The following ABCG2 variants were observed in gnomAD, a reference collection of about 807,000 sequenced individuals.
The protein encoded by ABCG2 is ATP binding cassette subfamily G member 2 (JR blood group).
Under a neutral mutation model 73.5 loss-of-function variants are expected in ABCG2, and 80 were observed. That is an observed-to-expected ratio of 1.09 (90% confidence interval 0.91 to 1.31). ABCG2 has a LOEUF of 1.31. Among genes scored for constraint, ABCG2 ranks in the 50% most tolerant of loss-of-function variants. The pLI, the probability that ABCG2 is intolerant of heterozygous loss-of-function variation, is 0.00. For missense variants in ABCG2, 796 were observed against 786.2 expected (o/e 1.01, Z -0.15); for synonymous variants, 269 against 282.4 (o/e 0.95, Z 0.48).
chr4:88,197,995 A>T lies in ABCG2; in HGVS notation c.-20+32999T>A, dbSNP rs182780532. ...CAGTGAGCCGAAATCGCACCACTGC[A>T]CTCCAGCCTGAGTGACGGAGCAAGA... On this transcript the variant is annotated intron_variant, in intron 1 of 15. Transcript: ENST00000515655. 1.1e-3 allele frequency among the ~76,000 whole-genome samples: 156 copies of T among 147,440 alleles called. 1 individual carries two copies. Among genetic ancestry groups the T allele is most frequent in the African/African-American group, 3.9e-3 (152 of 39,280 alleles).
chr4:88,123,520 CA>C (rs551703188), intron 5 of ABCG2, among the ~76,000 whole-genome samples: 152 of 151,862 alleles, frequency 1.0e-3, no homozygotes, highest in African/African-American at 3.5e-3. Flanking sequence ...GAAGCAAACA[CA>C]AGTATCAATA....
In ABCG2 at chr4:88,121,746, C is replaced by A. The variant is rs1406395272; in HGVS notation, c.578G>T (p.Arg193Met). 1.2e-6 allele frequency: 2 copies of A among 1,613,978 alleles called. No homozygotes were observed. The highest frequency in any genetic ancestry group is 1.7e-6 in the Non-Finnish European group (2 of 1,179,922). Residue 193 changes from arginine (R) to methionine (M), a missense_variant, in exon 6 of 16, where the codon AGG becomes ATG. Transcript: ENST00000237612. The part of the protein sequence containing the change: ...IRGVSGGERK[R>M]TSIGMELITD... ...GATAAGCTCCATTCCTATACTAGTC[C>A]TTTTTCTTTCTCCTCCAGACACACC...
upstream of ABCG2, among the ~76,000 whole-genome samples, chr4:88,160,729 A>G (rs1334939975): frequency 6.6e-6 from 1 of 151,456 alleles, no homozygotes; most frequent in Non-Finnish European, 1.5e-5. Flanking sequence ...CATGCCTGTA[A>G]TCCCAGCTAC....
In ABCG2 at chr4:88,140,569, C is replaced by G. The variant is rs951204939; in HGVS notation, c.-19-555G>C. On this transcript the variant is annotated intron_variant, in intron 1 of 15. Transcript: ENST00000237612. ...CCAGGGAGGCAGAGGTTGCGGTGAG[C>G]AGAGATCGTGCCACTGTACTCCAGC... 5.9e-5 allele frequency among the ~76,000 whole-genome samples: 9 copies of G among 151,980 alleles called. No individual in the cohort carries two copies. In the East Asian group the frequency reaches 1.7e-3, roughly 29 times the overall value.
chr4:88,159,041 C>T (rs939928263), upstream of ABCG2: 3 of 422,616 alleles, frequency 7.1e-6, no homozygotes, highest in Admixed American at 7.7e-5. Flanking sequence ...TCCTGCCGCG[C>T]TGAGCCGCCA....
chr4:88,180,053 G>A (rs945271417), intron 1 of ABCG2, among the ~76,000 whole-genome samples: 2 of 151,896 alleles, frequency 1.3e-5, no homozygotes, highest in African/African-American at 4.8e-5. Flanking sequence ...CAAAACTAGA[G>A]AAAAATATCA....
intron 1 of ABCG2, among the ~76,000 whole-genome samples, chr4:88,177,993 G>A (rs1037525828): frequency 6.6e-6 from 1 of 152,120 alleles, no homozygotes; most frequent in African/African-American, 2.4e-5. Context: ...GGCAGAATAG[G>A]CCACGAAAAC....
At chr4:88,161,260 C>T (rs373373837), upstream of ABCG2, among the ~76,000 whole-genome samples, 159 of 121,840 alleles carry the variant, frequency 1.3e-3, 1 homozygote, top group South Asian at 0.024. Flanking sequence ...CATGCTGGTG[C>T]GCTGCACCCA....
chr4:88,169,040 AGTT>A (rs1259599498), intron 1 of ABCG2, among the ~76,000 whole-genome samples: 1 of 132,054 alleles, frequency 7.6e-6, no homozygotes, highest in Non-Finnish European at 1.6e-5. Flanking sequence ...TAAATGAAGT[AGTT>A]ATCTTTTTTT....
chr4:88,156,505 T>C (rs950508591), intron 1 of ABCG2, among the ~76,000 whole-genome samples: 1 of 151,678 alleles, frequency 6.6e-6, no homozygotes, highest in African/African-American at 2.4e-5. Context: ...ACTGATAATA[T>C]TGGATTATAA....
At chr4:88,219,930 C>T (rs1447424311) in intron 1 of ABCG2, among the ~76,000 whole-genome samples, 3 of 151,722 alleles carry the variant, frequency 2.0e-5, no homozygotes. Context: ...GTGCAACCAT[C>T]ACTACCATCC....
chr4:88,092,176 T>C lies in ABCG2; in HGVS notation c.*58A>G. 6.7e-7 allele frequency: 1 copy of C among 1,498,104 alleles called. No individual in the cohort carries two copies. Among genetic ancestry groups the C allele is most frequent in the Non-Finnish European group, 9.1e-7 (1 of 1,104,452 alleles). The allele number at this position is 1,498,104 out of a possible 1,614,324, so 92.8% of individuals were successfully genotyped here. ...ACAACAAAAAAACTTGATTGAATAC[T>C]TCAATCAAAGTGCTTCTTTTTTATG... On this transcript the variant is annotated 3_prime_UTR_variant, in exon 16 of 16. Transcript: ENST00000237612.
intron 1 of ABCG2, among the ~76,000 whole-genome samples, chr4:88,186,785 G>A (rs1728474075): frequency 6.6e-6 from 1 of 150,530 alleles, no homozygotes; most frequent in African/African-American, 2.4e-5. Context: ...CGGGCGTAGT[G>A]GCGGGCGCCT....
At chr4:88,224,885 A>C (rs1011098314) in intron 1 of ABCG2, among the ~76,000 whole-genome samples, 1 of 152,084 alleles carries the variant, frequency 6.6e-6, no homozygotes, top group Non-Finnish European at 1.5e-5. Flanking sequence ...TAAGGGTCCA[A>C]TGTTATTCTT....
At chr4:88,231,286 A>G (rs1188476318) in exon 1 of ABCG2, 2 of 152,182 alleles carry the variant, frequency 1.3e-5, no homozygotes, top group Non-Finnish European at 2.9e-5. Flanking sequence ...CCCGAGTGAA[A>G]TTAACAGCTC....
At chr4:88,117,736 T>C (rs940971665) in intron 7 of ABCG2, among the ~76,000 whole-genome samples, 2 of 152,256 alleles carry the variant, frequency 1.3e-5, no homozygotes, top group Non-Finnish European at 2.9e-5. Flanking sequence ...TCATCTGTTA[T>C]ATGGTCAAGA....
intron 1 of ABCG2, among the ~76,000 whole-genome samples, chr4:88,148,019 C>T (rs1392852397): frequency 1.3e-5 from 2 of 152,180 alleles, no homozygotes; most frequent in Non-Finnish European, 2.9e-5. Context: ...GAGATTAAGA[C>T]AGTTCCATCC....
At chr4:88,211,703 C>T (rs1375148776) in intron 1 of ABCG2, among the ~76,000 whole-genome samples, 1 of 152,176 alleles carries the variant, frequency 6.6e-6, no homozygotes, top group Non-Finnish European at 1.5e-5. Flanking sequence ...AGGCGTGAGC[C>T]ACTGTGCCCG....
At chr4:88,174,619 T>C (rs912978989) in intron 1 of ABCG2, among the ~76,000 whole-genome samples, 3 of 152,192 alleles carry the variant, frequency 2.0e-5, no homozygotes, top group Admixed American at 6.5e-5. Context: ...CTGGAACTCC[T>C]GACCTCAGGT....
Sources: allele counts gnomAD v4.1 joint callset (sites outside exome capture counted in the v4.1 genomes callset), GRCh38; gene constraint gnomAD v4.1.1; transcripts MANE v1.5; gene names NCBI Gene and HGNC (gene_info 2026-07-23, HGNC 2026-07-21).